Variants in ZC3HC1 observed in about 807,000 individuals in gnomAD.
ZC3HC1 encodes zinc finger C3HC-type containing 1, also known as zinc finger C3HC-type protein 1.
A neutral mutation model predicts 61.9 loss-of-function variants in ZC3HC1; 38 were observed. The observed-to-expected ratio is 0.61, with a 90% CI of 0.47 to 0.81. ZC3HC1 has a LOEUF of 0.81. Ranked by LOEUF, ZC3HC1 falls within the 30% of genes least tolerant of loss-of-function variation. The pLI is 0.00. For synonymous variants in ZC3HC1, 213 were observed against 229.9 expected (o/e 0.93, Z 0.67); for missense variants, 554 against 622.7 (o/e 0.89, Z 1.17).
Position 130,023,730 on chromosome 7 carries a change from G to C in ZC3HC1, c.1021-7C>G. 1.2e-6 allele frequency: 2 copies of C among 1,608,010 alleles called. No homozygotes were observed. Among genetic ancestry groups the C allele is most frequent in the Non-Finnish European group, 1.7e-6 (2 of 1,175,106 alleles). ...GACCAGGGCTCTTTTCAGCCTGAAGGAAAGGGGAGATAATGGAAGTACACG... is the reference window on the plus strand; with the variant it reads ...GACCAGGGCTCTTTTCAGCCTGAAGCAAAGGGGAGATAATGGAAGTACACG... On this transcript the variant is annotated splice_region_variant and splice_polypyrimidine_tract_variant and intron_variant, in intron 7 of 9. Transcript: ENST00000358303. The surrounding 1 kb of genome is among the most constrained non-coding windows in gnomAD (Gnocchi z 4.2).
At chr7:130,051,422 C>T (rs1795075236), upstream of ZC3HC1, 5 of 1,605,506 alleles carry the variant, frequency 3.1e-6, no homozygotes, top group East Asian at 6.7e-5. Flanking sequence ...GAACTTCCGT[C>T]CTGGGAGGTT....
chr7:130,043,553 A>G (rs185551639), intron 2 of ZC3HC1: 31 of 176,042 alleles, frequency 1.8e-4, no homozygotes, highest in Admixed American at 1.6e-3. Flanking sequence ...ATGAACAAAA[A>G]GGAAATGGAT....
intron 4 of ZC3HC1, among the ~76,000 whole-genome samples, chr7:130,034,001 T>C (rs1794325394): frequency 6.6e-6 from 1 of 152,166 alleles, no homozygotes; most frequent in Admixed American, 6.6e-5. Flanking sequence ...AAAGATATTT[T>C]TTTAAACAGC....
At chr7:130,050,364 C>A in intron 1 of ZC3HC1, 1 of 1,486,944 alleles carries the variant, frequency 6.7e-7, no homozygotes, top group South Asian at 1.2e-5. Flanking sequence ...AGGCGTGAGC[C>A]ACCGCGCCCG....
Position 130,041,059 on chromosome 7 carries a change from C to T in ZC3HC1, c.301G>A (p.Val101Ile), listed in dbSNP as rs780078834. The change falls in exon 3 of 10, where the codon GTC becomes ATC. Residue 101 changes from valine (V) to isoleucine (I), a missense_variant. Transcript: ENST00000358303. ...AGKPFELSPL[V>I]CAKYGWVTVE... is the part of the protein sequence containing the mutation. ...GTGACCCAGCCATATTTTGCACAGA[C>T]GAGTGGAGACAGCTCAAAGGGCTTA... 22 of 1,613,568 alleles carry T rather than the reference C, an allele frequency of 1.4e-5. No homozygotes were observed. Among genetic ancestry groups the T allele is most frequent in the African/African-American group, 8.0e-5 (6 of 74,802 alleles).
chr7:130,021,240 C>T (rs1793631215), intron 9 of ZC3HC1, among the ~76,000 whole-genome samples: 1 of 152,100 alleles, frequency 6.6e-6, no homozygotes, highest in African/African-American at 2.4e-5. Context: ...ACTATAGTTC[C>T]CTCCAGTGGA....
chr7:130,028,929 G>A lies in ZC3HC1; in HGVS notation c.594C>T (p.Ser198=), dbSNP rs1794050486. 6.2e-7 allele frequency: 1 copy of A among 1,613,648 alleles called. No homozygotes were observed. The highest frequency in any genetic ancestry group is 1.1e-5 in the South Asian group (1 of 91,064). The change falls in exon 5 of 10, where the codon TCC becomes TCT. Residue 198 remains serine (S), a synonymous_variant. Coordinates refer to ENST00000358303, the MANE Select transcript of ZC3HC1 (RefSeq NM_016478.5). ...TAGTTTTCAAGTCCTCCGGCCTTAG[G>A]GAAGGAAGCTGGAGGTCCAAGTGAC... ...SLCHLDLQLP[S]LRPEDLKTMC...
intron 4 of ZC3HC1, 119 bp from the exon 5 acceptor site, chr7:130,029,148 A>C: frequency 8.6e-7 from 1 of 1,159,988 alleles, no homozygotes; most frequent in East Asian, 3.5e-5. Flanking sequence ...AGGCGGGCGG[A>C]TCACCTGAGG....
chr7:130,049,036 A>G lies in ZC3HC1; in HGVS notation c.255T>C (p.Phe85=). The G allele has an allele frequency of 6.3e-7, 1 of 1,596,080 alleles. No individual in the cohort carries two copies. ...CACATGAACTAAAAAAGGATATAGA[A>G]AATGTTTCCACTCTGCTAAAGAAGG... ...KEAFFSRVET[F]SSLKWAGKPF... Residue 85 remains phenylalanine, a synonymous_variant, in exon 2 of 10, where the codon TTT becomes TTC. Coordinates refer to ENST00000358303, the MANE Select transcript of ZC3HC1 (RefSeq NM_016478.5).
At chr7:130,043,586 G>C (rs188697021) in intron 2 of ZC3HC1, 2 of 186,980 alleles carry the variant, frequency 1.1e-5, no homozygotes, top group East Asian at 3.0e-4. Flanking sequence ...TCAAAATCAA[G>C]ATTTAATGCA....
intron 3 of ZC3HC1, among the ~76,000 whole-genome samples, chr7:130,040,266 G>A (rs1195902175): frequency 2.7e-5 from 4 of 148,314 alleles, no homozygotes; most frequent in African/African-American, 5.0e-5. Context: ...AGGCTGAGGC[G>A]GGTGGATCAC....
At chr7:130,032,222 TA>T (rs71175066) in intron 4 of ZC3HC1, among the ~76,000 whole-genome samples, 141,136 of 144,212 alleles carry the variant, frequency 0.98, 69,071 homozygotes, top group Middle Eastern at 1. Flanking sequence ...AGATTCCCTC[TA>T]AAAAAAAAAA....
At chr7:130,030,180 C>G (rs1200663273) in intron 4 of ZC3HC1, among the ~76,000 whole-genome samples, 1 of 147,480 alleles carries the variant, frequency 6.8e-6, no homozygotes, top group East Asian at 2.0e-4. Context: ...GAAGTAGAAG[C>G]TACACTGAAT....
chr7:130,025,532 C>A (rs1296441334), intron 6 of ZC3HC1, among the ~76,000 whole-genome samples: 2 of 151,780 alleles, frequency 1.3e-5, no homozygotes, highest in Admixed American at 1.3e-4. Context: ...TAGAAAAGAG[C>A]TTATTTTCTT....
At position 130,023,361 on chromosome 7, in the gene ZC3HC1, TC is replaced by T; in HGVS notation, c.1233+149del. 1.4e-6 allele frequency: 1 copy of T among 732,156 alleles called. No individual in the cohort carries two copies. The allele number at this position is 732,156 out of a possible 1,614,324, so 45.4% of individuals were successfully genotyped here. A position where few individuals can be genotyped will look rare whatever the true frequency, so the allele number is the denominator to read the frequency against. ...AGCAAAAAACATGACTGACATTTTT[TC>T]CCTTTGGTCATCCAACTTTAAATTT... On this transcript the variant is annotated intron_variant, in intron 8 of 9. Coordinates refer to ENST00000358303, the MANE Select transcript of ZC3HC1 (RefSeq NM_016478.5). The surrounding 1 kb of genome is among the most constrained non-coding windows in gnomAD (Gnocchi z 4.2).
Position 130,023,451 on chromosome 7 carries a change from C to T in ZC3HC1, c.1233+60G>A. 6.5e-7 allele frequency: 1 copy of T among 1,547,798 alleles called. No individual in the cohort carries two copies. Among genetic ancestry groups the T allele is most frequent in the South Asian group, 1.1e-5 (1 of 87,222 alleles). On this transcript the variant is annotated intron_variant, in intron 8 of 9. Transcript: ENST00000358303. The surrounding 1 kb of genome is among the most constrained non-coding windows in gnomAD (Gnocchi z 4.2). ...GCTCCTGCCTGCTTCTCCATGCTGC[C>T]TAGGGAGGGCCCAATATGCTGTTTA...
At chr7:130,041,763 G>A (rs530297175) in intron 2 of ZC3HC1, among the ~76,000 whole-genome samples, 5 of 151,120 alleles carry the variant, frequency 3.3e-5, no homozygotes, top group South Asian at 2.1e-4. Context: ...TTGTGACCTC[G>A]TGATCCACCC....
At chr7:130,049,482 T>C (rs774986697) in intron 1 of ZC3HC1, among the ~76,000 whole-genome samples, 4 of 152,090 alleles carry the variant, frequency 2.6e-5, no homozygotes, top group East Asian at 1.9e-4. Flanking sequence ...ATAACTTTAG[T>C]AGACAGAAAA....
intron 2 of ZC3HC1, among the ~76,000 whole-genome samples, chr7:130,047,042 A>G (rs1794894250): frequency 6.6e-6 from 1 of 152,094 alleles, no homozygotes; most frequent in African/African-American, 2.4e-5. Flanking sequence ...GGCTCACTGC[A>G]ACCTCCGCCT....
Sources: gnomAD v4.1 joint callset for allele counts (sites outside exome capture counted in the v4.1 genomes callset) on GRCh38, gnomAD v4.1.1 for gene constraint, Gnocchi (gnomAD v3.1) non-coding constraint, MANE v1.5 for transcripts, NCBI Gene and HGNC (gene_info 2026-07-23, HGNC 2026-07-21) for gene names.